The following SGCZ variants were observed in gnomAD, a reference collection of about 807,000 sequenced individuals.
The protein encoded by SGCZ is zeta-sarcoglycan.
Under a neutral mutation model 41.3 loss-of-function variants are expected in SGCZ, and 40 were observed. The ratio of observed to expected loss-of-function variants is 0.97; its 90% CI spans 0.75 to 1.26. The LOEUF (loss-of-function observed/expected upper bound fraction) is 1.26. Among genes scored for constraint, SGCZ ranks in the 50% most tolerant of loss-of-function variants. The pLI is 0.00. For synonymous variants in SGCZ, 206 were observed against 137.5 expected (o/e 1.50, Z -3.49); for missense variants, 552 against 369.8 (o/e 1.49, Z -4.04).
At chr8:15,025,206 T>C (rs973533169) in intron 1 of SGCZ, among the ~76,000 whole-genome samples, 1 of 152,134 alleles carries the variant, frequency 6.6e-6, no homozygotes, top group Non-Finnish European at 1.5e-5. Context: ...TTTGAACAAA[T>C]GATGTGAGCT....
At chr8:15,008,003 G>C (rs959642834) in intron 1 of SGCZ, among the ~76,000 whole-genome samples, 2 of 152,012 alleles carry the variant, frequency 1.3e-5, no homozygotes, top group Non-Finnish European at 1.5e-5. Flanking sequence ...GTTACAGTAA[G>C]TCAATTCTAA....
At chr8:15,191,680 T>G (rs542377793) in intron 1 of SGCZ, among the ~76,000 whole-genome samples, 3 of 152,104 alleles carry the variant, frequency 2.0e-5, no homozygotes, top group East Asian at 3.9e-4. Context: ...TTTAGGAAAT[T>G]CCTCATACGA....
In SGCZ at chr8:15,027,257, T is replaced by C. The variant is rs147068665; in HGVS notation, c.39+210328A>G. On this transcript the variant is annotated intron_variant, in intron 1 of 7. Transcript: ENST00000382080. ...CAGGAAGTTCTAGAATAAACAAACA[T>C]ATTCACTTCTATTCTAGAAAACATT... Among the ~76,000 whole-genome samples, 623 of 152,254 alleles carry C rather than the reference T, an allele frequency of 4.1e-3. 6 individuals are homozygous for C. The highest frequency in any genetic ancestry group is 0.014 in the African/African-American group (584 of 41,556).
intron 2 of SGCZ, among the ~76,000 whole-genome samples, chr8:14,400,802 A>C (rs1361362682): frequency 6.6e-6 from 1 of 152,176 alleles, no homozygotes; most frequent in Non-Finnish European, 1.5e-5. Flanking sequence ...CACATATAAA[A>C]AAGAATTGAA....
At chr8:14,436,681 G>C (rs1192811690) in intron 2 of SGCZ, among the ~76,000 whole-genome samples, 2 of 152,158 alleles carry the variant, frequency 1.3e-5, no homozygotes, top group Non-Finnish European at 2.9e-5. Flanking sequence ...ACTGTCATTC[G>C]CACTGCAGTA....
chr8:14,666,308 T>C (rs13270646), intron 1 of SGCZ, among the ~76,000 whole-genome samples: 51,458 of 151,964 alleles, frequency 0.34, 11,231 homozygotes, highest in African/African-American at 0.63. Flanking sequence ...GCTATTTTCA[T>C]CAATTACTCA....
intron 1 of SGCZ, among the ~76,000 whole-genome samples, chr8:15,232,897 CCTTT>C (rs1264662603): frequency 2.6e-5 from 4 of 151,196 alleles, no homozygotes; most frequent in Admixed American, 1.3e-4. Context: ...TAATTAGCTT[CCTTT>C]AATTTTTTCC....
At chr8:14,353,627 G>A (rs954466852) in intron 2 of SGCZ, among the ~76,000 whole-genome samples, 5 of 151,794 alleles carry the variant, frequency 3.3e-5, no homozygotes, top group Admixed American at 1.3e-4. Context: ...TTTCTTCTAC[G>A]TTCTTATCAT....
chr8:14,672,042 C>G lies in SGCZ; in HGVS notation c.40-117116G>C, dbSNP rs949153016. Among the ~76,000 whole-genome samples the G allele has an allele frequency of 7.9e-5, 12 of 151,976 alleles. 1 individual carries two copies. The highest frequency in any genetic ancestry group is 7.9e-4 in the Admixed American group (12 of 15,242). ...AATAAAAATCACAAATCTTAGCTAC[C>G]GACCCAGAAGTTATTAGGACTCATT... On this transcript the variant is annotated intron_variant, in intron 1 of 7. Coordinates refer to ENST00000382080, the MANE Select transcript of SGCZ (RefSeq NM_139167.4).
intron 2 of SGCZ, among the ~76,000 whole-genome samples, chr8:14,508,101 G>A (rs138403024): frequency 2.6e-4 from 39 of 152,160 alleles, no homozygotes; most frequent in African/African-American, 9.4e-4. Flanking sequence ...ATCTACCCTG[G>A]TCACTGTATT....
At chr8:15,054,952 A>T (rs1804650472) in intron 1 of SGCZ, among the ~76,000 whole-genome samples, 1 of 107,014 alleles carries the variant, frequency 9.3e-6, no homozygotes. Context: ...ACAGAGCAAG[A>T]CTCCATCTCA....
chr8:14,684,283 T>A (rs938027215), intron 1 of SGCZ, among the ~76,000 whole-genome samples: 6 of 152,310 alleles, frequency 3.9e-5, no homozygotes, highest in African/African-American at 1.4e-4. Flanking sequence ...AACAACAGCT[T>A]GTTTTTTGAG....
Position 14,201,311 on chromosome 8 carries a change from G to A in SGCZ, c.424+36281C>T, listed in dbSNP as rs543899203. On this transcript the variant is annotated intron_variant, in intron 4 of 7. Coordinates refer to ENST00000382080, the MANE Select transcript of SGCZ (RefSeq NM_139167.4). Reference sequence around the variant, plus strand: ...ATGAAAACTAATGTTCACAAAAAAAGCCTGTATGCATAAGCTTCTAGTGGC... The same window carrying A: ...ATGAAAACTAATGTTCACAAAAAAAACCTGTATGCATAAGCTTCTAGTGGC... Among the ~76,000 whole-genome samples the A allele has an allele frequency of 1.6e-4, 25 of 152,190 alleles. 2 individuals are homozygous for A. In the South Asian group the frequency reaches 5.2e-3, roughly 32 times the overall value.
At chr8:14,881,406 G>A (rs1804583775) in intron 1 of SGCZ, among the ~76,000 whole-genome samples, 1 of 152,012 alleles carries the variant, frequency 6.6e-6, no homozygotes, top group African/African-American at 2.4e-5. Context: ...TCTCCAGAAA[G>A]CAGATTCTAA....
chr8:14,195,701 A>T (rs1043671377), intron 4 of SGCZ, among the ~76,000 whole-genome samples: 1 of 152,176 alleles, frequency 6.6e-6, no homozygotes, highest in Non-Finnish European at 1.5e-5. Context: ...TAAGGAAGGC[A>T]GCTGATTAAT....
chr8:15,054,800 CA>C (rs550396890), intron 1 of SGCZ, among the ~76,000 whole-genome samples: 246 of 141,074 alleles, frequency 1.7e-3, no homozygotes, highest in Middle Eastern at 3.6e-3. Flanking sequence ...TAAAAAAATA[CA>C]AAAAAAAAAA....
intron 3 of SGCZ, among the ~76,000 whole-genome samples, chr8:14,294,318 A>T (rs1426234050): frequency 6.6e-6 from 1 of 151,902 alleles, no homozygotes; most frequent in Non-Finnish European, 1.5e-5. Context: ...ACATTACTAA[A>T]ACTCCTATGT....
chr8:14,606,203 G>A (rs1026488859), intron 1 of SGCZ, among the ~76,000 whole-genome samples: 1 of 151,600 alleles, frequency 6.6e-6, no homozygotes, highest in African/African-American at 2.4e-5. Context: ...ATTGCCCCAT[G>A]ACCTCCAATC....
chr8:15,172,073 A>G (rs1185329207), intron 1 of SGCZ, among the ~76,000 whole-genome samples: 3 of 152,166 alleles, frequency 2.0e-5, no homozygotes, highest in Non-Finnish European at 2.9e-5. Context: ...AAAACAAATA[A>G]CAAAAGCCCG....
Sources: gnomAD v4.1 joint callset for allele counts (sites outside exome capture counted in the v4.1 genomes callset) on GRCh38, gnomAD v4.1.1 for gene constraint, MANE v1.5 for transcripts, NCBI Gene and HGNC (gene_info 2026-07-23, HGNC 2026-07-21) for gene names.